MIS18A: variants seen among roughly 807,000 people sequenced by gnomAD.
MIS18A encodes protein Mis18-alpha.
MIS18A carries 14 observed loss-of-function variants against 25.0 expected under a neutral mutation model. The ratio of observed to expected loss-of-function variants is 0.56; its 90% confidence interval spans 0.37 to 0.88. The LOEUF (loss-of-function observed/expected upper bound fraction) is 0.88, where lower values mean the gene tolerates loss of function less well. Ranked by LOEUF, MIS18A falls within the 40% of genes least tolerant of loss-of-function variation. The probability of loss-of-function intolerance (pLI) is 0.00; values close to 1 mark genes in which losing one functional copy is unlikely to be tolerated. For missense variants in MIS18A, 292 were observed against 290.8 expected (o/e 1.00, Z -0.03); for synonymous variants, 134 against 118.6 (o/e 1.13, Z -0.84).
At chr21:32,257,643 G>A in the MIS18A span, among the ~76,000 whole-genome samples, 163 of 152,180 alleles carry the variant, frequency 1.1e-3, no homozygotes, top group African/African-American at 3.7e-3. Context: ...ACTTTTAAAA[G>A]GAAACCTACG....
the MIS18A span, among the ~76,000 whole-genome samples, chr21:32,187,455 T>A: frequency 3.9e-5 from 6 of 152,162 alleles, no homozygotes; most frequent in African/African-American, 1.4e-4. Context: ...TGAAACCAGT[T>A]AGTCATCTTG....
the MIS18A span, among the ~76,000 whole-genome samples, chr21:32,214,980 C>T: frequency 5.3e-5 from 8 of 152,266 alleles, no homozygotes; most frequent in South Asian, 1.0e-3. Flanking sequence ...CTGAGTCTCC[C>T]GGAGCCAAGG....
chr21:32,226,261 C>A, the MIS18A span, among the ~76,000 whole-genome samples: 2 of 138,782 alleles, frequency 1.4e-5, no homozygotes. Context: ...GCACATGTAC[C>A]CTAAAACTTA....
the MIS18A span, among the ~76,000 whole-genome samples, chr21:32,244,136 T>TA: frequency 6.6e-6 from 1 of 152,278 alleles, no homozygotes; most frequent in East Asian, 1.9e-4. Flanking sequence ...AGCATTCTGC[T>TA]AAGTGAAGGA....
the MIS18A span, among the ~76,000 whole-genome samples, chr21:32,165,870 T>C: frequency 6.6e-6 from 1 of 152,214 alleles, no homozygotes; most frequent in African/African-American, 2.4e-5. Flanking sequence ...ATCTTTTTAG[T>C]GTCTACCTAC....
the MIS18A span, among the ~76,000 whole-genome samples, chr21:32,189,492 T>G: frequency 0.15 from 23,053 of 152,200 alleles, 1,851 homozygotes; most frequent in East Asian, 0.24. Flanking sequence ...TTGCCCAGGC[T>G]GGGCTCAAAT....
At chr21:32,257,871 G>C in the MIS18A span, among the ~76,000 whole-genome samples, 1 of 152,158 alleles carries the variant, frequency 6.6e-6, no homozygotes, top group East Asian at 1.9e-4. Context: ...TTCAGCAAAT[G>C]GAAGTCTGGC....
the MIS18A span, among the ~76,000 whole-genome samples, chr21:32,230,628 T>C: frequency 1.3e-5 from 2 of 152,168 alleles, no homozygotes; most frequent in African/African-American, 4.8e-5. Context: ...GCCAAATTAA[T>C]TCAATGGAAA....
the MIS18A span, among the ~76,000 whole-genome samples, chr21:32,234,949 A>C: frequency 2.6e-5 from 4 of 152,208 alleles, no homozygotes. Context: ...AACTTTCCTC[A>C]GTAAACATTT....
chr21:32,188,799 T>C, the MIS18A span, among the ~76,000 whole-genome samples: 1 of 152,028 alleles, frequency 6.6e-6, no homozygotes, highest in African/African-American at 2.4e-5. Flanking sequence ...AGATGGGGTG[T>C]CCACTGGACA....
the MIS18A span, among the ~76,000 whole-genome samples, chr21:32,161,786 C>G: frequency 6.6e-6 from 1 of 150,964 alleles, no homozygotes; most frequent in Non-Finnish European, 1.5e-5. Flanking sequence ...GCCACTGCAC[C>G]TGGCCGGAAG....
At chr21:32,180,863 G>C in the MIS18A span, among the ~76,000 whole-genome samples, 2 of 152,184 alleles carry the variant, frequency 1.3e-5, no homozygotes, top group African/African-American at 2.4e-5. Context: ...TTGGATCTTA[G>C]AGCAGGGGTC....
chr21:32,173,961 T>G, the MIS18A span, among the ~76,000 whole-genome samples: 1 of 25,952 alleles, frequency 3.9e-5, no homozygotes, highest in Non-Finnish European at 6.4e-5. Context: ...TTAAGTTTTT[T>G]TTTTTTTTTT....
chr21:32,225,234 C>G, the MIS18A span, among the ~76,000 whole-genome samples: 1 of 104,124 alleles, frequency 9.6e-6, no homozygotes, highest in Admixed American at 9.5e-5. Context: ...GACTTCATGT[C>G]CAAAACACCA....
the MIS18A span, among the ~76,000 whole-genome samples, chr21:32,226,804 A>T: frequency 6.6e-6 from 1 of 152,316 alleles, no homozygotes; most frequent in African/African-American, 2.4e-5. Flanking sequence ...TCTCAAGCAC[A>T]CATGGGATAT....
chr21:32,260,023 T>G, the MIS18A span: 1 of 150,672 alleles, frequency 6.6e-6, no homozygotes, highest in South Asian at 2.1e-4. Context: ...TTTACTCTTA[T>G]ATGTCAATTC....
At chr21:32,259,689 G>A in the MIS18A span, 9 of 152,164 alleles carry the variant, frequency 5.9e-5, no homozygotes, top group Non-Finnish European at 1.0e-4. Context: ...TGTATCTGCC[G>A]GGCTTCTCCC....
chr21:32,162,351 T>C, the MIS18A span, among the ~76,000 whole-genome samples: 3 of 152,212 alleles, frequency 2.0e-5, no homozygotes, highest in East Asian at 5.8e-4. Context: ...ACTCCCCTAA[T>C]GGGCGCGCTG....
the MIS18A span, among the ~76,000 whole-genome samples, chr21:32,169,696 C>G: frequency 6.6e-6 from 1 of 152,064 alleles, no homozygotes; most frequent in Non-Finnish European, 1.5e-5. Context: ...CAGAGCCCCT[C>G]AACTTAAAAT....
Sources: gnomAD v4.1 joint callset for allele counts (sites outside exome capture counted in the v4.1 genomes callset) on GRCh38, gnomAD v4.1.1 for gene constraint, MANE v1.5 for transcripts, NCBI Gene and HGNC (gene_info 2026-07-23, HGNC 2026-07-21) for gene names.